NACC2: variants seen among roughly 807,000 people sequenced by gnomAD.
NACC2 encodes the protein nucleus accumbens-associated protein 2.
A neutral mutation model predicts 25.1 loss-of-function variants in NACC2; 8 were observed. That is an observed-to-expected ratio of 0.32 (90% CI 0.19 to 0.57). NACC2 has a LOEUF of 0.57. NACC2 is among the 20% of genes least tolerant of loss of function. NACC2 has a pLI of 0.89. For synonymous variants in NACC2, 435 were observed against 294.7 expected (o/e 1.48, Z -4.88); for missense variants, 644 against 650.2 (o/e 0.99, Z 0.10).
At chr9:136,023,589 C>T (rs2131140941) in intron 2 of NACC2, among the ~76,000 whole-genome samples, 1 of 152,310 alleles carries the variant, frequency 6.6e-6, no homozygotes. Flanking sequence ...CAAGAAGTCC[C>T]CAAGTGGTCC....
chr9:136,091,897 C>T (rs1310927607), intron 1 of NACC2, among the ~76,000 whole-genome samples: 1 of 152,202 alleles, frequency 6.6e-6, no homozygotes, highest in Non-Finnish European at 1.5e-5. Flanking sequence ...TGCCCCGCAA[C>T]AGAGGCGGAG....
intron 5 of NACC2, among the ~76,000 whole-genome samples, chr9:136,012,654 T>G (rs1315864589): frequency 8.6e-5 from 3 of 35,020 alleles, no homozygotes; most frequent in East Asian, 6.4e-4. Context: ...CTCACAAGGT[T>G]TTTTTTTTTT....
intron 1 of NACC2, among the ~76,000 whole-genome samples, chr9:136,063,787 G>A (rs1264294077): frequency 6.6e-6 from 1 of 151,524 alleles, no homozygotes; most frequent in Non-Finnish European, 1.5e-5. Context: ...GGAGGCTGAG[G>A]TAGGAGAATC....
At chr9:136,072,868 A>AATAG (rs935128049) in intron 1 of NACC2, among the ~76,000 whole-genome samples, 1 of 151,966 alleles carries the variant, frequency 6.6e-6, no homozygotes, top group Non-Finnish European at 1.5e-5. Context: ...TAAATAAATA[A>AATAG]ATAACCCCAA....
At position 136,013,997 on chromosome 9, in the gene NACC2, C is replaced by T. The variant is rs370759738; in HGVS notation, c.1052-28G>A. 1.3e-5 allele frequency: 17 copies of T among 1,343,478 alleles called. No homozygotes were observed. Among genetic ancestry groups the T allele is most frequent in the East Asian group, 4.7e-5 (1 of 21,176 alleles). 83.2% of individuals were successfully genotyped at this position (1,343,478 alleles called of 1,614,324 possible). A position where few individuals can be genotyped will look rare whatever the true frequency, so the allele number is the denominator to read the frequency against. ...GCAGCCACCAAACAGAAAAAGGGCT[C>T]GTGGCCTTCCCGGGCCATAGGGTCC... On this transcript the variant is annotated intron_variant, in intron 3 of 5. Coordinates refer to ENST00000277554, the MANE Select transcript of NACC2 (RefSeq NM_144653.5). The surrounding 1 kb of genome is among the most constrained non-coding windows in gnomAD (Gnocchi z 6.6).
chr9:136,038,352 G>A (rs540187044), intron 2 of NACC2, among the ~76,000 whole-genome samples: 2 of 152,098 alleles, frequency 1.3e-5, no homozygotes, highest in Non-Finnish European at 2.9e-5. Context: ...CCTGGGCAAC[G>A]TGCTGAAATC....
chr9:136,072,002 C>G (rs1486236909), intron 1 of NACC2, among the ~76,000 whole-genome samples: 1 of 152,034 alleles, frequency 6.6e-6, no homozygotes, highest in African/African-American at 2.4e-5. Context: ...CTTCGGGAGG[C>G]CCAGGTGGGT....
chr9:136,060,934 G>A (rs373243132), intron 1 of NACC2, among the ~76,000 whole-genome samples: 61 of 152,354 alleles, frequency 4.0e-4, no homozygotes, highest in African/African-American at 1.4e-3. Flanking sequence ...ACAGGGGTCC[G>A]GGGGAAGGTG....
intron 2 of NACC2, among the ~76,000 whole-genome samples, chr9:136,024,432 T>TGTGTGTGTGAGGACAGAGG (rs1840353427): frequency 7.2e-6 from 1 of 139,480 alleles, no homozygotes; most frequent in African/African-American, 2.7e-5. Context: ...GGACAGAGTG[T>TGTGTGTGTGAGGACAGAGG]GTGTGTGTGA....
chr9:136,049,230 C>CTGGG (rs1422479166), intron 2 of NACC2, among the ~76,000 whole-genome samples: 1 of 152,182 alleles, frequency 6.6e-6, no homozygotes, highest in African/African-American at 2.4e-5. Flanking sequence ...GGCAAAGGGG[C>CTGGG]TGGGTTCAGG....
At chr9:136,072,314 G>A (rs910377646) in intron 1 of NACC2, among the ~76,000 whole-genome samples, 4 of 152,108 alleles carry the variant, frequency 2.6e-5, no homozygotes, top group Admixed American at 6.6e-5. Flanking sequence ...GGGAGGCCAC[G>A]GTGAGCAGAT....
intron 1 of NACC2, among the ~76,000 whole-genome samples, chr9:136,094,160 G>C (rs7048213): frequency 6.6e-6 from 1 of 152,242 alleles, no homozygotes; most frequent in Admixed American, 6.5e-5. Context: ...GCGCAGCAGA[G>C]AACACAGCTC....
intron 1 of NACC2, among the ~76,000 whole-genome samples, chr9:136,071,216 G>A (rs1841147180): frequency 6.6e-6 from 1 of 151,312 alleles, no homozygotes; most frequent in Non-Finnish European, 1.5e-5. Flanking sequence ...CAGCCTGGGA[G>A]ACAGAGCAAG....
chr9:136,063,762 T>A (rs1202134899), intron 1 of NACC2, among the ~76,000 whole-genome samples: 2 of 151,384 alleles, frequency 1.3e-5, no homozygotes, highest in Non-Finnish European at 2.9e-5. Flanking sequence ...GGGCGCCTAT[T>A]ATCCCAGCTA....
At chr9:136,074,098 G>T (rs1366534534) in intron 1 of NACC2, among the ~76,000 whole-genome samples, 1 of 152,052 alleles carries the variant, frequency 6.6e-6, no homozygotes, top group Non-Finnish European at 1.5e-5. Flanking sequence ...TTGAGTCCAG[G>T]AGTGAGAGAC....
intron 2 of NACC2, among the ~76,000 whole-genome samples, chr9:136,032,005 G>A (rs555455237): frequency 8.2e-5 from 12 of 147,220 alleles, no homozygotes; most frequent in South Asian, 2.1e-4. Flanking sequence ...GGCAAGGGTC[G>A]TCCTCGGCAG....
rs574298273 is a variant in NACC2 at position 136,021,935 on chromosome 9, C to T, written c.887-5506G>A. On this transcript the variant is annotated intron_variant, in intron 2 of 5. Transcript: ENST00000277554. ...TCATTTCCATTGTGGCCACCAGGGG[C>T]TGGGGTGCGGACAAGCCTCAAGGGC... Among the ~76,000 whole-genome samples, 10 of 152,290 alleles carry T rather than the reference C, an allele frequency of 6.6e-5. No individual in the cohort carries two copies. The East Asian group carries it at 1.9e-3, about 29-fold the overall frequency.
intron 1 of NACC2, among the ~76,000 whole-genome samples, chr9:136,054,379 C>T (rs1025359575): frequency 2.0e-5 from 3 of 152,192 alleles, no homozygotes; most frequent in Admixed American, 6.5e-5. Context: ...CCACCTGCAC[C>T]GGTGAGGCTG....
chr9:136,080,124 C>T (rs1483294161), intron 1 of NACC2, among the ~76,000 whole-genome samples: 4 of 152,236 alleles, frequency 2.6e-5, no homozygotes, highest in Admixed American at 1.3e-4. Context: ...AAGCCCATGC[C>T]ACTGTGCCCC....
Sources: allele counts gnomAD v4.1 joint callset (sites outside exome capture counted in the v4.1 genomes callset), GRCh38; gene constraint gnomAD v4.1.1; non-coding constraint Gnocchi (gnomAD v3.1); transcripts MANE v1.5; gene names NCBI Gene and HGNC (gene_info 2026-07-23, HGNC 2026-07-21).